The following MED24 variants were observed in gnomAD, a reference collection of about 807,000 sequenced individuals.
MED24 encodes the protein mediator of RNA polymerase II transcription subunit 24.
In MED24, 74 loss-of-function variants were observed where a neutral mutation model predicts 118.8. The ratio of observed to expected loss-of-function variants is 0.62; its 90% CI spans 0.52 to 0.76. The LOEUF (loss-of-function observed/expected upper bound fraction) is 0.76. Ranked by LOEUF, MED24 falls within the 30% of genes least tolerant of loss-of-function variation. The pLI, the probability that MED24 is intolerant of heterozygous loss-of-function variation, is 0.00. For synonymous variants in MED24, 521 were observed against 523.9 expected (o/e 0.99, Z 0.08); for missense variants, 1,041 against 1,278.9 (o/e 0.81, Z 2.84).
rs368876112 is a variant in MED24 at position 40,019,779 on chromosome 17, A to G, written c.2853+6T>C. 5 of 1,611,768 alleles carry G rather than the reference A, an allele frequency of 3.1e-6. No individual in the cohort carries two copies. The African/African-American group carries it at 6.7e-5, about 22-fold the overall frequency. Reference sequence around the variant, plus strand: ...CCAGCAGGAGAGCCGGGAAGGTGGTACTCACGGTGGTGAAGGGCATGAACT... The same window carrying G: ...CCAGCAGGAGAGCCGGGAAGGTGGTGCTCACGGTGGTGAAGGGCATGAACT... On this transcript the variant is annotated splice_donor_region_variant and intron_variant, in intron 25 of 25. Coordinates refer to ENST00000394128, the MANE Select transcript of MED24 (RefSeq NM_014815.4).
Position 40,032,714 on chromosome 17 carries a change from C to A in MED24, c.871G>T (p.Val291Leu), listed in dbSNP as rs372930510. 4.3e-6 allele frequency: 7 copies of A among 1,613,856 alleles called. No homozygotes were observed. Among genetic ancestry groups the A allele is most frequent in the South Asian group, 1.1e-5 (1 of 91,082 alleles). The change falls in exon 9 of 26, where the codon GTG becomes TTG. Residue 291 changes from valine (V) to leucine (L), a missense_variant. This residue lies in a region of MED24 where 434 missense variants were observed against 514.9 expected (regional missense o/e 0.84). Coordinates refer to ENST00000394128, the MANE Select transcript of MED24 (RefSeq NM_014815.4). ...FVLEIWKACFVGLIESPEGTE... is the reference protein window; with the variant it reads ...FVLEIWKACFLGLIESPEGTE... ...CCCTCGGGAGACTCAATGAGCCCCA[C>A]GAAGCAAGCTTTCCAGATCTCCAGG...
intron 16 of MED24, 115 bp downstream of exon 16, chr17:40,027,268 G>T: frequency 7.8e-7 from 1 of 1,289,172 alleles, no homozygotes; most frequent in Non-Finnish European, 1.1e-6. Flanking sequence ...CCTGGTTTCT[G>T]AGGCCCACAG....
Position 40,019,171 on chromosome 17 carries a change from C to CAT in MED24, c.*357_*358insAT, listed in dbSNP as rs1011508870. 6.0e-5 allele frequency: 10 copies of CAT among 166,874 alleles called. No homozygotes were observed. In the East Asian group the frequency reaches 6.2e-4, roughly 10 times the overall value. The allele number at this position is 166,874 out of a possible 1,614,324, so 10.3% of individuals were successfully genotyped here. On this transcript the variant is annotated 3_prime_UTR_variant, in exon 26 of 26. Transcript: ENST00000394128. ...TTTCCCTCACATATTACAAAATACA[C>CAT]ACAAACACACACACACACACACACA...
rs752027812 is a variant in MED24, at chr17:40,033,238, TG to T, written c.672-33del. The T allele has an allele frequency of 6.2e-7, 1 of 1,613,074 alleles. No individual in the cohort carries two copies. The highest frequency in any genetic ancestry group is 1.1e-5 in the South Asian group (1 of 91,082). Reference sequence around the variant, plus strand: ...GGTCACAAACACAGGGGACGGTGTTTGGGGGGCCAAAGGTGAAGGCGGAGAG... The same window carrying T: ...GGTCACAAACACAGGGGACGGTGTTTGGGGGCCAAAGGTGAAGGCGGAGAG... On this transcript the variant is annotated intron_variant, in intron 7 of 25. Coordinates refer to ENST00000394128, the MANE Select transcript of MED24 (RefSeq NM_014815.4). This position sits in a 1 kb window ranked among gnomAD's most constrained non-coding sequence, Gnocchi z 5.2.
Position 40,019,767 on chromosome 17 carries a change from C to A in MED24, c.2853+18G>T. 1.2e-6 allele frequency: 2 copies of A among 1,610,268 alleles called. No homozygotes were observed. Among genetic ancestry groups the A allele is most frequent in the South Asian group, 1.1e-5 (1 of 90,716 alleles). On this transcript the variant is annotated intron_variant, in intron 25 of 25. Coordinates refer to ENST00000394128, the MANE Select transcript of MED24 (RefSeq NM_014815.4). ...GAGGCCCCAGCACCAGCAGGAGAGC[C>A]GGGAAGGTGGTACTCACGGTGGTGA...
rs746233458 is a variant in MED24, at chr17:40,026,706, C to T, written c.1750G>A (p.Ala584Thr). 6.2e-7 allele frequency: 1 copy of T among 1,612,516 alleles called. No homozygotes were observed. The highest frequency in any genetic ancestry group is 1.7e-5 in the Admixed American group (1 of 59,842). ...WHEACLSISA[A>T]ILEILNAWEN... ...CAGGCATTGAGGATTTCCAAGATGG[C>T]GGCTGAGATGCTGAGACAGGCCTCA... Residue 584 changes from alanine to threonine, a missense_variant, in exon 18 of 26, where the codon GCC (alanine) becomes ACC (threonine). Transcript: ENST00000394128.
At chr17:40,029,040 AT>A in intron 13 of MED24, 72 bp from the exon 14 acceptor site, 1 of 1,590,346 alleles carries the variant, frequency 6.3e-7, no homozygotes, top group Non-Finnish European at 8.6e-7. Context: ...GCCTAGCCAC[AT>A]TTTCTCTCTT....
chr17:40,027,788 G>T, intron 15 of MED24, 121 bp downstream of exon 15: 1 of 1,108,098 alleles, frequency 9.0e-7, no homozygotes, highest in Non-Finnish European at 1.4e-6. Context: ...ATTGGTCATG[G>T]CTCTGAGGAG....
At position 40,020,446 on chromosome 17, in the gene MED24, C is replaced by T. The variant is rs1251959608; in HGVS notation, c.2624-93G>A. On this transcript the variant is annotated intron_variant, in intron 23 of 25. Transcript: ENST00000394128. ...ATGCCCCAACCCGACCTTCACCCATCGGAGGTAACTGGTACATGGAGAGCC... is the reference window on the plus strand; with the variant it reads ...ATGCCCCAACCCGACCTTCACCCATTGGAGGTAACTGGTACATGGAGAGCC... 9.7e-6 allele frequency: 15 copies of T among 1,546,818 alleles called. No homozygotes were observed. The East Asian group carries it at 2.7e-4, about 28-fold the overall frequency.
intron 19 of MED24, among the ~76,000 whole-genome samples, chr17:40,025,278 C>T (rs547413866): frequency 5.8e-4 from 89 of 152,214 alleles, no homozygotes; most frequent in African/African-American, 2.0e-3. Context: ...GCCAGGAGTT[C>T]AAGACCTGGC....
Position 40,022,427 on chromosome 17 carries a change from G to T in MED24, c.2490C>A (p.Thr830=). The change falls in exon 22 of 26, where the codon ACC becomes ACA. Residue 830 remains threonine (T), a synonymous_variant. Coordinates refer to ENST00000394128, the MANE Select transcript of MED24 (RefSeq NM_014815.4). ...CTTCGCGGTGTCTCTTCTTCTGGCG[G>T]GTGGACGCCTGTCCCTTGTGGGAGG... ...SYSSHKGQAS[T]RQKKRHREDI... The T allele has an allele frequency of 4.3e-6, 7 of 1,610,914 alleles. No homozygotes were observed. The highest frequency in any genetic ancestry group is 1.7e-5 in the Admixed American group (1 of 59,456).
At chr17:40,036,376 G>T (rs1347122628) in intron 3 of MED24, among the ~76,000 whole-genome samples, 2 of 152,106 alleles carry the variant, frequency 1.3e-5, no homozygotes, top group Non-Finnish European at 2.9e-5. Flanking sequence ...TCAAGAAGAT[G>T]ATTCTGGGGA....
At chr17:40,032,209 G>A in intron 9 of MED24, 119 bp from the exon 10 acceptor site, 1 of 1,163,354 alleles carries the variant, frequency 8.6e-7, no homozygotes, top group Admixed American at 2.1e-5. Context: ...CTCCTACCCT[G>A]GGAGTGAGAG....
At chr17:40,051,706 T>G (rs1452418003) in intron 3 of MED24, among the ~76,000 whole-genome samples, 5 of 151,398 alleles carry the variant, frequency 3.3e-5, no homozygotes, top group Non-Finnish European at 7.4e-5. Flanking sequence ...GTGGATCACC[T>G]GAAGTCAGGA....
At chr17:40,043,698 C>T (rs1049013672) in intron 3 of MED24, among the ~76,000 whole-genome samples, 6 of 151,476 alleles carry the variant, frequency 4.0e-5, no homozygotes, top group Non-Finnish European at 8.8e-5. Context: ...ACCATCCTGG[C>T]TAACACTTTC....
Position 40,022,036 on chromosome 17 carries a change from G to A in MED24, c.2542C>T (p.Pro848Ser), listed in dbSNP as rs1261753789. ...TTCGAAGGCTGCACATCGTCCAGGGGGAAGAGGCTGATATAATCCTAGAGG... is the reference window on the plus strand; with the variant it reads ...TTCGAAGGCTGCACATCGTCCAGGGAGAAGAGGCTGATATAATCCTAGAGG... ...EDIEDYISLF[P>S]LDDVQPSKLM... is the part of the protein sequence containing the mutation. Residue 848 changes from proline (P) to serine (S), a missense_variant, in exon 23 of 26, where the codon CCC becomes TCC. Around this residue, in one of 3 missense-constraint regions of MED24, gnomAD observed 587 missense variants for 694.4 expected, o/e 0.85. Transcript: ENST00000394128. The A allele has an allele frequency of 1.9e-6, 3 of 1,609,904 alleles. No individual in the cohort carries two copies. The highest frequency in any genetic ancestry group is 2.2e-5 in the East Asian group (1 of 44,790).
chr17:40,049,497 C>T (rs1156878628), intron 3 of MED24, among the ~76,000 whole-genome samples: 1 of 152,078 alleles, frequency 6.6e-6, no homozygotes, highest in Non-Finnish European at 1.5e-5. Flanking sequence ...CAATGGTTCA[C>T]CTTACAATTT....
chr17:40,022,583 C>A, intron 21 of MED24, 62 bp downstream of exon 21: 1 of 1,605,448 alleles, frequency 6.2e-7, no homozygotes, highest in Non-Finnish European at 8.5e-7. Flanking sequence ...CAGGGTGGCA[C>A]CAGGCGAGGG....
intron 3 of MED24, among the ~76,000 whole-genome samples, chr17:40,050,536 A>T (rs764410577): frequency 6.6e-5 from 10 of 152,102 alleles, no homozygotes; most frequent in Non-Finnish European, 1.2e-4. Context: ...TAACTGAGGA[A>T]TAGAAAGTCA....
Sources: allele counts gnomAD v4.1 joint callset (sites outside exome capture counted in the v4.1 genomes callset), GRCh38; gene constraint gnomAD v4.1.1; regional missense constraint gnomAD v4.1.1; non-coding constraint Gnocchi (gnomAD v3.1); transcripts MANE v1.5; gene names NCBI Gene and HGNC (gene_info 2026-07-23, HGNC 2026-07-21).